KREMEN1: variants seen among roughly 807,000 people sequenced by gnomAD.
KREMEN1 encodes the protein kremen protein 1.
In KREMEN1, 30 loss-of-function variants were observed where a neutral mutation model predicts 46.5. The observed-to-expected ratio is 0.65, with a 90% CI of 0.48 to 0.88. The LOEUF (loss-of-function observed/expected upper bound fraction) is 0.88, where lower values mean the gene tolerates loss of function less well. Ranked by LOEUF, KREMEN1 falls within the 40% of genes least tolerant of loss-of-function variation. KREMEN1 has a pLI of 0.00. For missense variants in KREMEN1, 533 were observed against 596.9 expected, an observed-to-expected ratio of 0.89 and a Z score of 1.11; for synonymous variants, 214 against 230.6, an observed-to-expected ratio of 0.93 and a Z score of 0.65.
chr22:29,143,631 G>A lies in KREMEN1; in HGVS notation c.*1519G>A, dbSNP rs1054650622. On this transcript the variant is annotated 3_prime_UTR_variant, in exon 9 of 9. Transcript: ENST00000400335. ...GTGGTGGGCGCCTGTAGTCCCAGCTGCTCGGGAGGCTGAGGCAGGAGAATG... is the reference window on the plus strand; with the variant it reads ...GTGGTGGGCGCCTGTAGTCCCAGCTACTCGGGAGGCTGAGGCAGGAGAATG... 5 of 676,778 alleles carry A rather than the reference G, an allele frequency of 7.4e-6. No individual in the cohort carries two copies. Among genetic ancestry groups the A allele is most frequent in the East Asian group, 1.4e-4 (1 of 7,390 alleles). 41.9% of individuals were successfully genotyped at this position (676,778 alleles called of 1,614,324 possible). A position where few individuals can be genotyped will look rare whatever the true frequency, so the allele number is the denominator to read the frequency against.
chr22:29,101,022 C>T (rs746411017), intron 3 of KREMEN1, among the ~76,000 whole-genome samples: 16 of 152,026 alleles, frequency 1.1e-4, no homozygotes, highest in Non-Finnish European at 1.9e-4. Flanking sequence ...GAGGCTGAAG[C>T]GGGCAGATCA....
intron 3 of KREMEN1, among the ~76,000 whole-genome samples, chr22:29,104,279 C>A (rs994298849): frequency 6.6e-6 from 1 of 151,864 alleles, no homozygotes; most frequent in African/African-American, 2.4e-5. Context: ...ACCTCAGCCT[C>A]CTGAGTAGCT....
intron 9 of KREMEN1, among the ~76,000 whole-genome samples, chr22:29,164,764 A>AAAAC (rs2039039604): frequency 6.7e-6 from 1 of 150,222 alleles, no homozygotes; most frequent in African/African-American, 2.5e-5. Flanking sequence ...AAACAAAAAA[A>AAAAC]AAAACCCAAA....
At chr22:29,152,157 G>A (rs928232001) in intron 9 of KREMEN1, among the ~76,000 whole-genome samples, 4 of 152,162 alleles carry the variant, frequency 2.6e-5, no homozygotes, top group Admixed American at 2.6e-4. Flanking sequence ...AGCAAGGGCA[G>A]TCCCCTGGGC....
intron 9 of KREMEN1, among the ~76,000 whole-genome samples, chr22:29,152,371 C>A (rs2038921733): frequency 6.6e-6 from 1 of 152,182 alleles, no homozygotes; most frequent in South Asian, 2.1e-4. Context: ...AACCAATTTG[C>A]CACCCTCAGC....
At chr22:29,114,455 C>T (rs1030364059) in intron 3 of KREMEN1, among the ~76,000 whole-genome samples, 1 of 142,714 alleles carries the variant, frequency 7.0e-6, no homozygotes, top group Non-Finnish European at 1.5e-5. Context: ...CATTGTACTC[C>T]AGCCTGTGCA....
In KREMEN1 at chr22:29,121,379, C is replaced by T. The variant is rs1394418513; in HGVS notation, c.375C>T (p.Tyr125=). 1.2e-6 allele frequency: 2 copies of T among 1,614,016 alleles called. No homozygotes were observed. The highest frequency in any genetic ancestry group is 2.2e-5 in the East Asian group (1 of 44,878). ...TAGTGCCTGGAAACCTTGGCTGCTA[C>T]AAGGATCATGGAAACCCACCTCCTC... ...ACQMPGNLGC[Y]KDHGNPPPLT... Residue 125 remains tyrosine, a synonymous_variant, in exon 4 of 9, where the codon TAC becomes TAT. Coordinates refer to ENST00000400335, the MANE Select transcript of KREMEN1 (RefSeq NM_001039570.3).
In KREMEN1 at chr22:29,094,316, A is replaced by G; in HGVS notation, c.156A>G (p.Gln52=). 6.2e-7 allele frequency: 1 copy of G among 1,613,692 alleles called. No homozygotes were observed. Among genetic ancestry groups the G allele is most frequent in the Non-Finnish European group, 8.5e-7 (1 of 1,179,604 alleles). Reference sequence around the variant, plus strand: ...GAACACAGAACTGGACAGCACTACAAGGCGGGAAGCCATGTCTGTTTTGGA... The same window carrying G: ...GAACACAGAACTGGACAGCACTACAGGGCGGGAAGCCATGTCTGTTTTGGA... ...YRGTQNWTAL[Q]GGKPCLFWNE... The change falls in exon 2 of 9, where the codon CAA becomes CAG. Residue 52 remains glutamine (Q), a synonymous_variant. Transcript: ENST00000400335.
rs2038673770 is a variant in KREMEN1, at chr22:29,137,192, G to A, written c.632-150G>A. On this transcript the variant is annotated intron_variant, in intron 5 of 8. Coordinates refer to ENST00000400335, the MANE Select transcript of KREMEN1 (RefSeq NM_001039570.3). Reference sequence around the variant, plus strand: ...ACAGTCATTTTTCGAGAGTCTCAGCGATTCGTTTTGTGACTGTCAGGTTTT... The same window carrying A: ...ACAGTCATTTTTCGAGAGTCTCAGCAATTCGTTTTGTGACTGTCAGGTTTT... 12 of 499,180 alleles carry A rather than the reference G, an allele frequency of 2.4e-5. 1 individual carries two copies. The South Asian group carries it at 7.3e-4, about 30-fold the overall frequency. 30.9% of individuals were successfully genotyped at this position (499,180 alleles called of 1,614,324 possible).
chr22:29,160,099 A>G (rs898985813), intron 9 of KREMEN1, among the ~76,000 whole-genome samples: 3 of 152,146 alleles, frequency 2.0e-5, no homozygotes, highest in Non-Finnish European at 4.4e-5. Context: ...CAGAATATAC[A>G]TTCTTCTCAT....
intron 9 of KREMEN1, among the ~76,000 whole-genome samples, chr22:29,161,506 C>CAAAAAA (rs35296953): frequency 9.5e-5 from 6 of 63,354 alleles, no homozygotes; most frequent in South Asian, 8.8e-4. Flanking sequence ...GACTCCATCT[C>CAAAAAA]AAAAAAAAAA....
chr22:29,129,376 A>G (rs1259613173), intron 5 of KREMEN1, among the ~76,000 whole-genome samples: 1 of 152,066 alleles, frequency 6.6e-6, no homozygotes, highest in Non-Finnish European at 1.5e-5. Context: ...AGTAGAGAGT[A>G]AAATAGTTTG....
chr22:29,120,167 TGGAGGAGGGAGAGGTGATGAA>T (rs2038315822), intron 3 of KREMEN1, among the ~76,000 whole-genome samples: 7 of 3,380 alleles, frequency 2.1e-3, no homozygotes, highest in Admixed American at 4.4e-3. Context: ...ATGAAGGAAA[TGGAGGAGGGAGAGGTGATGAA>T]GGAAACAGGG....
chr22:29,099,690 G>A (rs539562566), intron 3 of KREMEN1, among the ~76,000 whole-genome samples: 218 of 151,524 alleles, frequency 1.4e-3, no homozygotes, highest in South Asian at 3.5e-3. Context: ...AGCTGGGACT[G>A]CAGGCGTGCA....
At chr22:29,138,428 G>A (rs2038704149) in intron 6 of KREMEN1, among the ~76,000 whole-genome samples, 196 bp from the exon 7 acceptor site, 1 of 152,244 alleles carries the variant, frequency 6.6e-6, no homozygotes. Context: ...GAAGTTGACA[G>A]GTTCATCCTT....
intron 5 of KREMEN1, among the ~76,000 whole-genome samples, chr22:29,132,942 T>C (rs2038585446): frequency 6.6e-6 from 1 of 152,198 alleles, no homozygotes; most frequent in Non-Finnish European, 1.5e-5. Flanking sequence ...CTTGCCTGCC[T>C]TCAAGATTTT....
downstream of KREMEN1, among the ~76,000 whole-genome samples, chr22:29,150,735 A>G (rs1459176240): frequency 6.6e-6 from 1 of 152,206 alleles, no homozygotes; most frequent in Non-Finnish European, 1.5e-5. Context: ...TGAGCTGAGG[A>G]AAGCACTTTT....
intron 9 of KREMEN1, among the ~76,000 whole-genome samples, chr22:29,161,369 T>C (rs2039009478): frequency 6.6e-6 from 1 of 151,600 alleles, no homozygotes; most frequent in South Asian, 2.1e-4. Flanking sequence ...TAGCCAGGCG[T>C]GGTGGCAGGC....
downstream of KREMEN1, among the ~76,000 whole-genome samples, chr22:29,148,946 C>T (rs1378901752): frequency 2.6e-5 from 4 of 152,070 alleles, no homozygotes; most frequent in South Asian, 4.2e-4. Flanking sequence ...ACGTGGCTCT[C>T]GGTGGGATGC....
Sources: gnomAD v4.1 joint callset for allele counts (sites outside exome capture counted in the v4.1 genomes callset) on GRCh38, gnomAD v4.1.1 for gene constraint, MANE v1.5 for transcripts, NCBI Gene and HGNC (gene_info 2026-07-23, HGNC 2026-07-21) for gene names.